PCSK4: variants seen among roughly 807,000 people sequenced by gnomAD.
PCSK4 encodes testicular tissue protein Li 135.
PCSK4 carries 64 observed loss-of-function variants against 80.3 expected under a neutral mutation model. The ratio of observed to expected loss-of-function variants is 0.80; its 90% CI spans 0.65 to 0.98. The LOEUF (loss-of-function observed/expected upper bound fraction) is 0.98, where lower values mean the gene tolerates loss of function less well. Among genes scored for constraint, PCSK4 ranks in the 50% least tolerant of loss-of-function variants. The pLI is 0.00. For missense variants in PCSK4, 1,213 were observed against 1,093.6 expected, an observed-to-expected ratio of 1.11 and a Z score of -1.54; for synonymous variants, 561 against 487.6, an observed-to-expected ratio of 1.15 and a Z score of -1.98.
exon 8 of PCSK4, chr19:1,487,048 G>A: frequency 1.2e-6 from 2 of 1,606,184 alleles, no homozygotes; most frequent in South Asian, 1.1e-5. Flanking sequence ...TGAAGAGCGT[G>A]CCCAGCCCGC....
chr19:1,490,632 C>G (rs2084900338), upstream of PCSK4: 3 of 407,550 alleles, frequency 7.4e-6, no homozygotes, highest in Non-Finnish European at 1.3e-5. Context: ...GTTGCGATAA[C>G]GCGTCCTACC....
intron 8 of PCSK4, among the ~76,000 whole-genome samples, chr19:1,484,397 G>T (rs955219316): frequency 1.3e-5 from 2 of 151,764 alleles, no homozygotes; most frequent in Non-Finnish European, 2.9e-5. Context: ...TGACACAGGA[G>T]AATCACTTGA....
chr19:1,488,250 G>T, exon 3 of PCSK4: 2 of 1,613,376 alleles, frequency 1.2e-6, no homozygotes, highest in Non-Finnish European at 1.7e-6. Context: ...TTCACCCGCC[G>T]CTGCAGCGTC....
chr19:1,489,580 G>T, intron 2 of PCSK4: 1 of 790,416 alleles, frequency 1.3e-6, no homozygotes, highest in Non-Finnish European at 1.9e-6. Flanking sequence ...GACAAGAGGT[G>T]CCCACTGTGT....
exon 15 of PCSK4, chr19:1,482,013 G>T (rs2084316897): frequency 1.3e-6 from 2 of 1,579,104 alleles, no homozygotes; most frequent in Admixed American, 1.8e-5. Flanking sequence ...GTGGAGGATG[G>T]GGGACAGGAG....
At chr19:1,481,732 G>A (rs1291221331) in exon 15 of PCSK4, 3 of 1,459,342 alleles carry the variant, frequency 2.1e-6, no homozygotes, top group Non-Finnish European at 9.1e-7. Flanking sequence ...CCAGGCGGGG[G>A]CAAGGTCGCT....
exon 15 of PCSK4, chr19:1,482,143 G>A: frequency 1.3e-6 from 2 of 1,558,596 alleles, no homozygotes; most frequent in Non-Finnish European, 1.7e-6. Flanking sequence ...TTGTGTGGTT[G>A]AAGAACCGCG....
chr19:1,482,986 AGTT>A (rs764661076), exon 13 of PCSK4: 5 of 1,334,676 alleles, frequency 3.7e-6, no homozygotes, highest in Non-Finnish European at 5.0e-6. Flanking sequence ...ATGAAGACCC[AGTT>A]GTTGTAGCCT....
exon 7 of PCSK4, chr19:1,487,206 C>G: frequency 6.2e-7 from 1 of 1,608,056 alleles, no homozygotes; most frequent in East Asian, 2.2e-5. Flanking sequence ...GTGCGGCCGT[C>G]GTCCTCGGGA....
chr19:1,490,495 G>A (rs552164693), upstream of PCSK4: 46 of 523,374 alleles, frequency 8.8e-5, no homozygotes, highest in African/African-American at 8.0e-4. Flanking sequence ...GCCAGGAGGG[G>A]CGCGAAGATC....
intron 13 of PCSK4, 123 bp from the exon 14 acceptor site, chr19:1,482,598 C>T: frequency 8.3e-7 from 1 of 1,211,882 alleles, no homozygotes; most frequent in East Asian, 2.5e-5. Flanking sequence ...TCACATCTCT[C>T]AGGGAATTGC....
intron 11 of PCSK4, 24 bp from the exon 12 acceptor site, chr19:1,483,487 C>A: frequency 6.5e-7 from 1 of 1,544,144 alleles, no homozygotes; most frequent in South Asian, 1.2e-5. Flanking sequence ...GGGGTGAGGA[C>A]CCTCCTGCGG....
exon 13 of PCSK4, chr19:1,482,928 C>A: frequency 6.2e-7 from 1 of 1,613,124 alleles, no homozygotes; most frequent in Non-Finnish European, 8.5e-7. Context: ...GTTCTCTAGG[C>A]CCAGGGTCCA....
chr19:1,488,051 C>T lies in PCSK4; in HGVS notation c.429G>A (p.Trp143Ter). The change falls in exon 4 of 15, where the codon TGG becomes TGA. Residue 143 changes from tryptophan to a stop codon, truncating the protein, a stop_gained. Transcript: ENST00000300954. LOFTEE classifies it high-confidence loss of function. ...TGCCCTGGCCTGACAGCCCCTGACTCCAGGCCTGCAGGATGCTCAGGTCTG... is the reference window on the plus strand; with the variant it reads ...TGCCCTGGCCTGACAGCCCCTGACTTCAGGCCTGCAGGATGCTCAGGTCTG... 6.2e-7 allele frequency: 1 copy of T among 1,613,434 alleles called. No individual in the cohort carries two copies. The highest frequency in any genetic ancestry group is 8.5e-7 in the Non-Finnish European group (1 of 1,179,926).
exon 3 of PCSK4, chr19:1,488,207 A>G: frequency 6.2e-7 from 1 of 1,613,520 alleles, no homozygotes; most frequent in South Asian, 1.1e-5. Context: ...CTGCTTGGAG[A>G]ACCAGGGGTC....
chr19:1,487,934 G>T (rs770716475), intron 4 of PCSK4, 30 bp downstream of exon 4: 9 of 1,594,994 alleles, frequency 5.6e-6, no homozygotes, highest in Non-Finnish European at 7.7e-6. Context: ...ACCTGGGGCA[G>T]CCCTCGCCCA....
Position 1,482,494 on chromosome 19 carries a change from TG to T in PCSK4, c.1697-20del. 6.3e-7 allele frequency: 1 copy of T among 1,592,838 alleles called. No homozygotes were observed. Among genetic ancestry groups the T allele is most frequent in the Non-Finnish European group, 8.5e-7 (1 of 1,173,420 alleles). ...AACGTCCCTGGACAGGGGTCGCGGG[TG>T]GGCACAGGAGGAAAAGGAGGCTCTC... On this transcript the variant is annotated intron_variant, in intron 13 of 14. Coordinates refer to ENST00000300954, the Ensembl canonical transcript of PCSK4.
In PCSK4 at chr19:1,487,328, C is replaced by A. The variant is rs772230525; in HGVS notation, c.683-15G>T. On this transcript the variant is annotated splice_polypyrimidine_tract_variant and intron_variant, in intron 6 of 14. Transcript: ENST00000300954. ...CATCCGTACGCCTGCAGAGCCAGGG[C>A]GGGAGGGCCGCTGCCACCGGCCCTG... The A allele has an allele frequency of 3.8e-6, 6 of 1,568,880 alleles. No homozygotes were observed. In the Admixed American group the frequency reaches 8.6e-5, roughly 22 times the overall value.
intron 2 of PCSK4, 155 bp downstream of exon 2, chr19:1,489,638 C>T (rs1217802443): frequency 1.5e-6 from 2 of 1,336,080 alleles, no homozygotes; most frequent in Admixed American, 2.8e-5. Context: ...GTCTTCCTGC[C>T]TCCTCTTGCT....
Sources: allele counts gnomAD v4.1 joint callset (sites outside exome capture counted in the v4.1 genomes callset), GRCh38; gene constraint gnomAD v4.1.1; transcripts MANE v1.5; gene names NCBI Gene and HGNC (gene_info 2026-07-23, HGNC 2026-07-21).